GPC6: variants seen among roughly 807,000 people sequenced by gnomAD.
GPC6 encodes glypican 6.
GPC6 carries 14 observed loss-of-function variants against 55.2 expected under a neutral mutation model. The observed-to-expected ratio is 0.25, with a 90% CI of 0.17 to 0.40. The LOEUF (loss-of-function observed/expected upper bound fraction) is 0.40, where lower values mean the gene tolerates loss of function less well. Among genes scored for constraint, GPC6 ranks in the 10% least tolerant of loss-of-function variants. GPC6 has a pLI of 1.00. For synonymous variants in GPC6, 278 were observed against 259.6 expected (o/e 1.07, Z -0.68); for missense variants, 641 against 708.5 (o/e 0.90, Z 1.08).
intron 2 of GPC6, among the ~76,000 whole-genome samples, chr13:93,802,063 A>G (rs570411175): frequency 6.6e-6 from 1 of 152,298 alleles, no homozygotes; most frequent in South Asian, 2.1e-4. Context: ...ATTAAGTTTA[A>G]AAGTTCCCAG....
chr13:93,234,687 TGAGAGAGA>T (rs10615675), intron 1 of GPC6, among the ~76,000 whole-genome samples: 1 of 148,860 alleles, frequency 6.7e-6, no homozygotes, highest in African/African-American at 2.5e-5. Context: ...TGTGTGTGTG[TGAGAGAGA>T]GAGAGAGAGA....
intron 6 of GPC6, among the ~76,000 whole-genome samples, chr13:94,325,342 G>T (rs1455844306): frequency 6.6e-6 from 1 of 152,154 alleles, no homozygotes; most frequent in South Asian, 2.1e-4. Context: ...TTGGTGAAAG[G>T]CAGGGCAGAG....
At chr13:93,760,611 A>G (rs1014796913) in intron 2 of GPC6, among the ~76,000 whole-genome samples, 1 of 152,160 alleles carries the variant, frequency 6.6e-6, no homozygotes, top group Non-Finnish European at 1.5e-5. Flanking sequence ...TGCCATGTCA[A>G]TTGTATTCTC....
At chr13:94,067,021 A>G (rs1884541539) in intron 4 of GPC6, among the ~76,000 whole-genome samples, 2 of 152,118 alleles carry the variant, frequency 1.3e-5, no homozygotes, top group South Asian at 4.1e-4. Flanking sequence ...CTTTCAAGGT[A>G]TTTTTGAACT....
chr13:93,366,354 A>G (rs575462406), intron 1 of GPC6, among the ~76,000 whole-genome samples: 1 of 152,208 alleles, frequency 6.6e-6, no homozygotes, highest in South Asian at 2.1e-4. Context: ...ATGGAGCAGC[A>G]TGTCATCAAC....
At chr13:93,583,691 C>CAA (rs1174618393) in intron 2 of GPC6, among the ~76,000 whole-genome samples, 3 of 152,216 alleles carry the variant, frequency 2.0e-5, no homozygotes, top group African/African-American at 4.8e-5. Context: ...GCTGGGATTA[C>CAA]ATGCGTGAAC....
chr13:93,756,234 A>G (rs1884764477), intron 2 of GPC6, among the ~76,000 whole-genome samples: 1 of 152,116 alleles, frequency 6.6e-6, no homozygotes, highest in African/African-American at 2.4e-5. Flanking sequence ...ATTGTTTAGG[A>G]TTAAATTGCA....
At chr13:93,705,190 A>G (rs531032583) in intron 2 of GPC6, among the ~76,000 whole-genome samples, 2 of 152,044 alleles carry the variant, frequency 1.3e-5, no homozygotes, top group South Asian at 4.2e-4. Context: ...TGTATTCTAT[A>G]TCATGTTGTC....
chr13:94,316,457 C>T (rs532840732), intron 6 of GPC6, among the ~76,000 whole-genome samples: 3 of 152,256 alleles, frequency 2.0e-5, no homozygotes, highest in Admixed American at 1.3e-4. Flanking sequence ...GTGGCTCACG[C>T]CTGTAATCCC....
At chr13:94,190,213 C>T (rs892134455) in intron 4 of GPC6, among the ~76,000 whole-genome samples, 1 of 151,674 alleles carries the variant, frequency 6.6e-6, no homozygotes, top group Non-Finnish European at 1.5e-5. Context: ...ATCCCAGCTA[C>T]TCAGGAGGCT....
chr13:93,609,245 T>C (rs1161312067), intron 2 of GPC6, among the ~76,000 whole-genome samples: 1 of 152,160 alleles, frequency 6.6e-6, no homozygotes, highest in Non-Finnish European at 1.5e-5. Context: ...GATAGAGTCT[T>C]GTTCTGTCGC....
chr13:94,187,887 A>G (rs1375655624), intron 4 of GPC6: 1 of 152,244 alleles, frequency 6.6e-6, no homozygotes, highest in Non-Finnish European at 1.5e-5. Flanking sequence ...ATACAGAATT[A>G]GAATATTATC....
At chr13:94,387,396 C>G (rs890249925) in intron 7 of GPC6, among the ~76,000 whole-genome samples, 15 of 152,150 alleles carry the variant, frequency 9.9e-5, no homozygotes, top group Non-Finnish European at 7.4e-5. Flanking sequence ...ATGGGTTAAA[C>G]AAAGTGGTTA....
rs547824123 is a variant in GPC6 at position 93,361,263 on chromosome 13, A to G, written c.160+133647A>G. Among the ~76,000 whole-genome samples the G allele has an allele frequency of 1.1e-4, 17 of 152,266 alleles. No individual in the cohort carries two copies. In the South Asian group the frequency reaches 2.5e-3, roughly 22 times the overall value. ...ACCAAGATGAGTTTCCCGCTCAAAC[A>G]GAGAAAATGTTCAAAACCCCATTGC... On this transcript the variant is annotated intron_variant, in intron 1 of 8. Transcript: ENST00000377047.
intron 4 of GPC6, among the ~76,000 whole-genome samples, chr13:94,094,178 A>G (rs1422284859): frequency 2.0e-5 from 3 of 152,078 alleles, no homozygotes; most frequent in Non-Finnish European, 2.9e-5. Context: ...CTAAAAAAAA[A>G]TGAAACAGCT....
At chr13:93,765,037 G>T (rs183608792) in intron 2 of GPC6, among the ~76,000 whole-genome samples, 1 of 152,060 alleles carries the variant, frequency 6.6e-6, no homozygotes, top group Non-Finnish European at 1.5e-5. Flanking sequence ...CTGACCTCGC[G>T]ATCCACCCTC....
intron 1 of GPC6, among the ~76,000 whole-genome samples, chr13:93,465,125 G>A (rs1417472481): frequency 1.3e-5 from 2 of 152,172 alleles, no homozygotes; most frequent in Admixed American, 6.5e-5. Context: ...AGGCTCGATT[G>A]TTCTGTTTAT....
intron 1 of GPC6, among the ~76,000 whole-genome samples, chr13:93,290,122 G>A (rs1878269183): frequency 6.6e-6 from 1 of 152,104 alleles, no homozygotes; most frequent in Non-Finnish European, 1.5e-5. Context: ...TGGTAATCAT[G>A]CAGAACCATT....
At chr13:93,392,294 A>G (rs1299917929) in intron 1 of GPC6, among the ~76,000 whole-genome samples, 2 of 152,222 alleles carry the variant, frequency 1.3e-5, no homozygotes, top group African/African-American at 4.8e-5. Flanking sequence ...CCTGGCAACT[A>G]CGACCAATCA....
Sources: gnomAD v4.1 joint callset for allele counts (sites outside exome capture counted in the v4.1 genomes callset) on GRCh38, gnomAD v4.1.1 for gene constraint, MANE v1.5 for transcripts, NCBI Gene and HGNC (gene_info 2026-07-23, HGNC 2026-07-21) for gene names.